JAG2: variants seen among roughly 807,000 people sequenced by gnomAD.
The protein encoded by JAG2 is protein jagged-2.
In JAG2, 46 loss-of-function variants were observed where a neutral mutation model predicts 141.7. The observed-to-expected ratio is 0.32, with a 90% confidence interval of 0.26 to 0.42. JAG2 has a LOEUF of 0.42. Ranked by LOEUF, JAG2 falls within the 10% of genes least tolerant of loss-of-function variation. The probability of loss-of-function intolerance (pLI) is 1.00; values close to 1 mark genes in which losing one functional copy is unlikely to be tolerated. For synonymous variants in JAG2, 862 were observed against 763.5 expected, an observed-to-expected ratio of 1.13 and a Z score of -2.13; for missense variants, 1,500 against 1,817.5, an observed-to-expected ratio of 0.83 and a Z score of 3.18.
In JAG2 at chr14:105,150,739, GC is replaced by G; in HGVS notation, c.1466del (p.Gly489AlafsTer97). On this transcript the variant is annotated frameshift_variant, in exon 12 of 26. Transcript: ENST00000331782. LOFTEE classifies it high-confidence loss of function. ...CCAGCTCGCAATGCCGGCCTCCGAA[GC>G]CCCGTGGGCACACACACTGGTACCC... is the stretch of plus-strand genomic sequence containing the variant. Reference protein sequence around the residue: ...VNGYQCVCPRGFGGRHCELER... With the variant: ...VNGYQCVCPRXFGGRHCELER... 1 of 1,582,612 alleles carries G rather than the reference GC, an allele frequency of 6.3e-7. No homozygotes were observed. The highest frequency in any genetic ancestry group is 8.6e-7 in the Non-Finnish European group (1 of 1,164,978).
intron 5 of JAG2, 90 bp downstream of exon 5, chr14:105,155,472 C>T (rs1261613543): frequency 4.5e-5 from 66 of 1,472,444 alleles, no homozygotes; most frequent in South Asian, 2.3e-4. Flanking sequence ...CAGCCAGCTC[C>T]GGGCGACTCC....
In JAG2 at chr14:105,142,401, A is replaced by C. The variant is rs1888084119; in HGVS notation, c.*294T>G. 2.6e-6 allele frequency: 1 copy of C among 389,972 alleles called. No individual in the cohort carries two copies. The highest frequency in any genetic ancestry group is 5.8e-5 in the East Asian group (1 of 17,336). 24.2% of individuals were successfully genotyped at this position (389,972 alleles called of 1,614,324 possible). ...ACAACCTCTGGTAACAAACGCTACG[A>C]TTTGGTGACGACGCAGACACCCTTT... On this transcript the variant is annotated 3_prime_UTR_variant, in exon 26 of 26. Transcript: ENST00000331782.
chr14:105,151,442 G>A (rs1250013676), intron 8 of JAG2, 46 bp from the exon 9 acceptor site: 1 of 1,557,942 alleles, frequency 6.4e-7, no homozygotes, highest in African/African-American at 1.4e-5. Context: ...GTGAGCCGTG[G>A]GAATAAGGTC....
intron 2 of JAG2, among the ~76,000 whole-genome samples, chr14:105,166,249 C>T (rs1409248100): frequency 1.3e-5 from 2 of 152,248 alleles, no homozygotes; most frequent in East Asian, 1.9e-4. Context: ...GGCGGACACG[C>T]GATAGCCCGC....
At position 105,150,584 on chromosome 14, in the gene JAG2, G is replaced by A. The variant is rs1270352714; in HGVS notation, c.1602+20C>T. Reference sequence around the variant, plus strand: ...GCTCCCAGAGCAGCAGGTGGGGCAGGGTGACCAGGCAGACCTCACCTCACA... The same window carrying A: ...GCTCCCAGAGCAGCAGGTGGGGCAGAGTGACCAGGCAGACCTCACCTCACA... On this transcript the variant is annotated intron_variant, in intron 12 of 25. Transcript: ENST00000331782. 1.9e-6 allele frequency: 3 copies of A among 1,542,984 alleles called. No homozygotes were observed. Among genetic ancestry groups the A allele is most frequent in the East Asian group, 2.5e-5 (1 of 40,780 alleles).
chr14:105,149,420 C>T (rs1888342997), intron 12 of JAG2, 100 bp from the exon 13 acceptor site: 6 of 1,485,110 alleles, frequency 4.0e-6, no homozygotes, highest in African/African-American at 1.4e-5. Context: ...TGGGGACCCC[C>T]AGGCCCCTCC....
Position 105,155,782 on chromosome 14 carries a change from T to C in JAG2, c.683A>G (p.Asn228Ser). The change falls in exon 4 of 26, where the codon AAC becomes AGC. Residue 228 changes from asparagine (N) to serine (S), a missense_variant. Physicochemically the swap from Asn to Ser is conservative, Grantham distance 46. Coordinates refer to ENST00000331782, the MANE Select transcript of JAG2 (RefSeq NM_002226.5). ...FGHYTCDQYG[N>S]KACMDGWMGK... ...CATCCAGCCGTCCATGCAGGCCTTG[T>C]TGCCGTACTGGTCGCAGGTGTAGTG... The C allele has an allele frequency of 1.2e-6, 2 of 1,612,984 alleles. No homozygotes were observed. Among genetic ancestry groups the C allele is most frequent in the Non-Finnish European group, 1.7e-6 (2 of 1,179,934 alleles).
At chr14:105,164,993 A>C (rs1888866578) in intron 2 of JAG2, among the ~76,000 whole-genome samples, 1 of 152,092 alleles carries the variant, frequency 6.6e-6, no homozygotes, top group East Asian at 1.9e-4. Flanking sequence ...CAGATCTGTC[A>C]CGGGGACCAT....
rs587625775 is a variant in JAG2, at chr14:105,151,758, G to C, written c.1040-19C>G. 8 of 1,604,778 alleles carry C rather than the reference G, an allele frequency of 5.0e-6. No homozygotes were observed. The highest frequency in any genetic ancestry group is 6.0e-6 in the Non-Finnish European group (7 of 1,175,410). Reference sequence around the variant, plus strand: ...TGCTCAGCTGTAGAACCGCGGGGAGGGGGCAGAGCTGGCAGCCAGGCCCCC... The same window carrying C: ...TGCTCAGCTGTAGAACCGCGGGGAGCGGGCAGAGCTGGCAGCCAGGCCCCC... On this transcript the variant is annotated intron_variant, in intron 7 of 25. Transcript: ENST00000331782.
At position 105,167,817 on chromosome 14, in the gene JAG2, G is replaced by C. The variant is rs1345414418; in HGVS notation, c.357C>G (p.Ala119=). ...CCGGGTCCTGGTCGCCGCCGGCCCG[G>C]GCCCGCGCCCGCGCTCGGTCCCCCG... The part of the protein sequence containing the change: ...GAAGDRARAR[A]RAGGDQDPGL... The change falls in exon 2 of 26, where the codon GCC becomes GCG. Residue 119 remains alanine (A), a synonymous_variant. Coordinates refer to ENST00000331782, the MANE Select transcript of JAG2 (RefSeq NM_002226.5). The surrounding 1 kb of genome is among the most constrained non-coding windows in gnomAD (Gnocchi z 4.8). The C allele has an allele frequency of 6.8e-7, 1 of 1,469,784 alleles. No individual in the cohort carries two copies. The highest frequency in any genetic ancestry group is 1.3e-5 in the South Asian group (1 of 77,272). 91.0% of individuals were successfully genotyped at this position (1,469,784 alleles called of 1,614,324 possible).
Position 105,168,371 on chromosome 14 carries a change from A to G in JAG2, c.50T>C (p.Leu17Pro). ...CCCGCTCACCTGCACCCAGAGCGCC[A>G]GCAGCAGCAGCAGCCGCCGGGGAAG... ...GRLPRRLLLL[L>P]ALWVQAARPM... Residue 17 changes from leucine to proline, a missense_variant, in exon 1 of 26, where the codon CTG (leucine) becomes CCG (proline). This residue lies in a region of JAG2 where 200 missense variants were observed against 174.3 expected (regional missense o/e 1.15). Transcript: ENST00000331782. 2.5e-6 allele frequency: 2 copies of G among 803,976 alleles called. No homozygotes were observed. Among genetic ancestry groups the G allele is most frequent in the South Asian group, 3.1e-5 (1 of 32,022 alleles). The allele number at this position is 803,976 out of a possible 1,614,324, so 49.8% of individuals were successfully genotyped here. A position where few individuals can be genotyped will look rare whatever the true frequency, so the allele number is the denominator to read the frequency against.
intron 2 of JAG2, among the ~76,000 whole-genome samples, chr14:105,161,589 C>A (rs1346166555): frequency 1.3e-5 from 2 of 152,092 alleles, no homozygotes; most frequent in Non-Finnish European, 2.9e-5. Context: ...AGCTGGGGTC[C>A]CTACACCTGG....
chr14:105,162,466 G>A (rs916497327), intron 2 of JAG2, among the ~76,000 whole-genome samples: 8 of 152,296 alleles, frequency 5.3e-5, no homozygotes, highest in African/African-American at 1.9e-4. Flanking sequence ...CCCCAGGCCA[G>A]GGCACCTCAA....
Position 105,146,461 on chromosome 14 carries a change from G to A in JAG2, c.2633C>T (p.Pro878Leu), listed in dbSNP as rs150616867. ...CACCCAGGAGCTTCCGTGTGGGAAC[G>A]GAGTGCCCCGGGACCAGCAGGATCT... ...FGRSCWSRGT[P>L]FPHGSSWVED... The change falls in exon 22 of 26, where the codon CCG becomes CTG. Residue 878 changes from proline to leucine, a missense_variant. Physicochemically the swap from Pro to Leu is moderately conservative, Grantham distance 98. Transcript: ENST00000331782. 3.4e-5 allele frequency: 55 copies of A among 1,612,650 alleles called. No homozygotes were observed. The African/African-American group carries it at 5.2e-4, about 15-fold the overall frequency.
rs765224829 is a variant in JAG2, at chr14:105,142,970, G to A, written c.3442C>T (p.Leu1148Phe). ...GGCGTGAAGTTCTTGCACTGGTAGA[G>A]CACGTCCTTGTGGCCCCCCGGCCGC... ...IERPGGHKDV[L>F]YQCKNFTPPP... Residue 1148 changes from leucine to phenylalanine, a missense_variant, in exon 26 of 26, where the codon CTC becomes TTC. Coordinates refer to ENST00000331782, the MANE Select transcript of JAG2 (RefSeq NM_002226.5). The A allele has an allele frequency of 1.2e-6, 2 of 1,610,284 alleles. No individual in the cohort carries two copies. Among genetic ancestry groups the A allele is most frequent in the Non-Finnish European group, 1.7e-6 (2 of 1,179,180 alleles).
In JAG2 at chr14:105,141,756, C is replaced by A. The variant is rs1445453168; in HGVS notation, c.*939G>T. 1.3e-5 allele frequency: 2 copies of A among 152,456 alleles called. No homozygotes were observed. The highest frequency in any genetic ancestry group is 2.9e-5 in the Non-Finnish European group (2 of 68,058). 9.4% of individuals were successfully genotyped at this position (152,456 alleles called of 1,614,324 possible). ...GGCCGGAATGGTGGCATTATTCAATCAAATATACAGAGTGCTTCCTTTAAT... is the reference window on the plus strand; with the variant it reads ...GGCCGGAATGGTGGCATTATTCAATAAAATATACAGAGTGCTTCCTTTAAT... On this transcript the variant is annotated 3_prime_UTR_variant, in exon 26 of 26. Coordinates refer to ENST00000331782, the MANE Select transcript of JAG2 (RefSeq NM_002226.5).
rs1888451761 is a variant in JAG2, at chr14:105,152,061, G to T, written c.920-4C>A. 1 of 1,613,112 alleles carries T rather than the reference G, an allele frequency of 6.2e-7. No homozygotes were observed. Among genetic ancestry groups the T allele is most frequent in the East Asian group, 2.2e-5 (1 of 44,900 alleles). ...TGGCTGCCACAGTAGTTCAGGTCTGGGGGCAGGGGTGGGATGCTCAGGGGA... is the reference window on the plus strand; with the variant it reads ...TGGCTGCCACAGTAGTTCAGGTCTGTGGGCAGGGGTGGGATGCTCAGGGGA... On this transcript the variant is annotated splice_polypyrimidine_tract_variant and splice_region_variant and intron_variant, in intron 6 of 25. Transcript: ENST00000331782.
intron 2 of JAG2, among the ~76,000 whole-genome samples, chr14:105,164,595 G>A (rs1292884894): frequency 1.3e-5 from 2 of 152,236 alleles, no homozygotes; most frequent in African/African-American, 2.4e-5. Context: ...CCTGCCACGA[G>A]CAGCTTAGGT....
chr14:105,163,394 A>G (rs1247316229), intron 2 of JAG2, among the ~76,000 whole-genome samples: 1 of 151,688 alleles, frequency 6.6e-6, no homozygotes, highest in Non-Finnish European at 1.5e-5. Flanking sequence ...GCCTGGGTGT[A>G]CCCCCACTCC....
Sources: allele counts gnomAD v4.1 joint callset (sites outside exome capture counted in the v4.1 genomes callset), GRCh38; gene constraint gnomAD v4.1.1; regional missense constraint gnomAD v4.1.1; non-coding constraint Gnocchi (gnomAD v3.1); transcripts MANE v1.5; gene names NCBI Gene and HGNC (gene_info 2026-07-23, HGNC 2026-07-21).